The following SLC39A10 variants were observed in gnomAD, a reference collection of about 807,000 sequenced individuals.
The protein encoded by SLC39A10 is solute carrier family 39 member 10, also known as zinc transporter ZIP10.
In SLC39A10, 13 loss-of-function variants were observed where a neutral mutation model predicts 65.1. That is an observed-to-expected ratio of 0.20 (90% CI 0.13 to 0.32). The LOEUF (loss-of-function observed/expected upper bound fraction) is 0.32. Among genes scored for constraint, SLC39A10 ranks in the 10% least tolerant of loss-of-function variants. The pLI, the probability that SLC39A10 is intolerant of heterozygous loss-of-function variation, is 1.00. For synonymous variants in SLC39A10, 321 were observed against 342.2 expected (o/e 0.94, Z 0.68); for missense variants, 831 against 1,018.4 (o/e 0.82, Z 2.50).
rs148594436 is a variant in SLC39A10 at position 195,658,715 on chromosome 2, T to C, written c.-12+1434T>C. 414 of 152,332 alleles carry C rather than the reference T, an allele frequency of 2.7e-3. 3 individuals carry two copies. Among genetic ancestry groups the C allele is most frequent in the African/African-American group, 8.9e-3 (372 of 41,578 alleles). The allele number at this position is 152,332 out of a possible 1,614,324, so 9.4% of individuals were successfully genotyped here. On this transcript the variant is annotated intron_variant, in intron 1 of 9. Transcript: ENST00000359634. ...CTATTGTACAAATATTTGAGTACCTTAATATGAGTCAGTTACTTTTTCTAG... is the reference window on the plus strand; with the variant it reads ...CTATTGTACAAATATTTGAGTACCTCAATATGAGTCAGTTACTTTTTCTAG...
At chr2:195,724,334 T>C (rs895984391) in intron 8 of SLC39A10, among the ~76,000 whole-genome samples, 8 of 152,144 alleles carry the variant, frequency 5.3e-5, no homozygotes, top group African/African-American at 1.7e-4. Context: ...TTACTATAAA[T>C]CCCTGCTGTG....
chr2:195,727,189 T>C (rs1692273802), intron 8 of SLC39A10, among the ~76,000 whole-genome samples: 2 of 152,124 alleles, frequency 1.3e-5, no homozygotes, highest in South Asian at 4.1e-4. Flanking sequence ...TTTCTTCTTA[T>C]TTGGAGGGAG....
rs751801744 is a variant in SLC39A10, at chr2:195,716,759, C to T, written c.1819C>T (p.His607Tyr). The change falls in exon 7 of 10, where the codon CAT becomes TAT. Residue 607 changes from histidine to tyrosine, a missense_variant. His to Tyr is a moderately conservative substitution (Grantham distance 83). Transcript: ENST00000359634. The stretch of plus-strand genomic sequence containing the variant: ...TATAGAAGAGGAGAAAATCATAGAC[C>T]ATTCTCACAGTGATGGATTACATAC... ...LCIEEEKIID[H>Y]SHSDGLHTIH... The T allele has an allele frequency of 8.7e-6, 14 of 1,613,952 alleles. No individual in the cohort carries two copies. The highest frequency in any genetic ancestry group is 5.0e-5 in the Admixed American group (3 of 59,984).
At position 195,716,880 on chromosome 2, in the gene SLC39A10, A is replaced by G. The variant is rs755523552; in HGVS notation, c.1940A>G (p.His647Arg). ...CATAATCACCAGTGGCACCACAAGC[A>G]TTCTCATCATTCCCATGGCCCCTGT... is the stretch of plus-strand genomic sequence containing the variant. ...RKHNHQWHHK[H>R]SHHSHGPCHS... The change falls in exon 7 of 10, where the codon CAT (histidine) becomes CGT (arginine). Residue 647 changes from histidine to arginine, a missense_variant. His to Arg is a conservative substitution (Grantham distance 29). Transcript: ENST00000359634. 3.7e-6 allele frequency: 6 copies of G among 1,614,236 alleles called. No homozygotes were observed. Among genetic ancestry groups the G allele is most frequent in the Admixed American group, 3.3e-5 (2 of 60,028 alleles).
At position 195,715,525 on chromosome 2, in the gene SLC39A10, CAAA is replaced by C. The variant is rs545656309; in HGVS notation, c.1697-1091_1697-1089del. The stretch of plus-strand genomic sequence containing the variant: ...TGGGTGACAGAGTGAGACTCTGTCT[CAAA>C]AAAAAAAAAAAAAAAAAAAAGAAAT... On this transcript the variant is annotated intron_variant, in intron 6 of 9. Transcript: ENST00000359634. Among the ~76,000 whole-genome samples the C allele has an allele frequency of 1.5e-4, 9 of 61,634 alleles. No individual in the cohort carries two copies. In the South Asian group the frequency reaches 4.4e-3, roughly 30 times the overall value. 40.4% of individuals were successfully genotyped at this position (61,634 alleles called of 152,430 possible).
chr2:195,716,756 G>A lies in SLC39A10; in HGVS notation c.1816G>A (p.Asp606Asn). The change falls in exon 7 of 10, where the codon GAC becomes AAC. Residue 606 changes from aspartate (D) to asparagine (N), a missense_variant. Around this residue, in one of 4 missense-constraint regions of SLC39A10, gnomAD observed 230 missense variants for 242.9 expected, o/e 0.95. Coordinates refer to ENST00000359634, the MANE Select transcript of SLC39A10 (RefSeq NM_020342.3). ...YLCIEEEKII[D>N]HSHSDGLHTI... ...TTGTATAGAAGAGGAGAAAATCATAGACCATTCTCACAGTGATGGATTACA... is the reference window on the plus strand; with the variant it reads ...TTGTATAGAAGAGGAGAAAATCATAAACCATTCTCACAGTGATGGATTACA... 6.2e-7 allele frequency: 1 copy of A among 1,614,120 alleles called. No individual in the cohort carries two copies. The highest frequency in any genetic ancestry group is 8.5e-7 in the Non-Finnish European group (1 of 1,180,016).
Position 195,615,063 on chromosome 2 carries a change from CA to C in SLC39A10, c.-12+8837del, listed in dbSNP as rs371270698. Among the ~76,000 whole-genome samples, 24 of 151,626 alleles carry C rather than the reference CA, an allele frequency of 1.6e-4. No homozygotes were observed. The East Asian group carries it at 4.4e-3, about 28-fold the overall frequency. ...AGTGAGACCTTGTCTCAAAAAGCAA[CA>C]AAAAAAGGGAAAATAGAGGGGGTCT... On this transcript the variant is annotated intron_variant, in intron 2 of 2. Transcript: ENST00000458054.
At chr2:195,644,410 C>T (rs1386307198) in intron 2 of SLC39A10, among the ~76,000 whole-genome samples, 2 of 147,930 alleles carry the variant, frequency 1.4e-5, no homozygotes, top group East Asian at 2.0e-4. Context: ...GGCACGATCT[C>T]GGCTCACTGC....
At chr2:195,664,529 A>G (rs890576286) in intron 1 of SLC39A10, among the ~76,000 whole-genome samples, 1 of 152,186 alleles carries the variant, frequency 6.6e-6, no homozygotes, top group Non-Finnish European at 1.5e-5. Context: ...AAAAAGGAAC[A>G]GAACTGCAGG....
intron 2 of SLC39A10, among the ~76,000 whole-genome samples, chr2:195,649,391 A>G (rs1370958593): frequency 6.6e-6 from 1 of 152,226 alleles, no homozygotes; most frequent in Non-Finnish European, 1.5e-5. Context: ...TTTTTAAGAA[A>G]TAAAGGTAAG....
At chr2:195,623,936 C>G (rs1688404423) in intron 2 of SLC39A10, among the ~76,000 whole-genome samples, 1 of 150,954 alleles carries the variant, frequency 6.6e-6, no homozygotes, top group South Asian at 2.1e-4. Flanking sequence ...CACACACACA[C>G]ACACCGTCTT....
rs1198566089 is a variant in SLC39A10, at chr2:195,629,413, G to C, written c.-12+23180G>C. Among the ~76,000 whole-genome samples, 3 of 147,956 alleles carry C rather than the reference G, an allele frequency of 2.0e-5. No homozygotes were observed. The Admixed American group carries it at 2.0e-4, about 10-fold the overall frequency. ...CTTTCAAAAAAAAAAAAAAAAAAGA[G>C]TTATCCTTGACCTTCAACCCACCCC... is the stretch of plus-strand genomic sequence containing the variant. On this transcript the variant is annotated intron_variant, in intron 2 of 2. Coordinates refer to the SLC39A10 transcript ENST00000458054.
rs148143190 is a variant in SLC39A10, at chr2:195,683,745, A to C, written c.1055A>C (p.Asn352Thr). The C allele has an allele frequency of 6.2e-7, 1 of 1,613,066 alleles. No individual in the cohort carries two copies. Among genetic ancestry groups the C allele is most frequent in the Non-Finnish European group, 8.5e-7 (1 of 1,179,412 alleles). Residue 352 changes from asparagine (N) to threonine (T), a missense_variant, in exon 3 of 10, where the codon AAC (asparagine) becomes ACC (threonine). Asn to Thr is a moderately conservative substitution (Grantham distance 65, BLOSUM62 0). Around this residue, in one of 4 missense-constraint regions of SLC39A10, gnomAD observed 446 missense variants for 499.2 expected, o/e 0.89. Transcript: ENST00000359634. ...TTAAAATACTATGGTCATGGTGCCA[A>C]CTCTCCCATCTCAACTGATTTATTT... is the stretch of plus-strand genomic sequence containing the variant. Reference protein sequence around the residue: ...QLLKYYGHGANSPISTDLFTY... With the variant: ...QLLKYYGHGATSPISTDLFTY...
chr2:195,646,632 A>G (rs1356986333), intron 2 of SLC39A10, among the ~76,000 whole-genome samples: 1 of 95,942 alleles, frequency 1.0e-5, no homozygotes, highest in African/African-American at 3.8e-5. Flanking sequence ...ACCTCCCCCC[A>G]CCACCAACCC....
chr2:195,613,901 A>C (rs1423591309), intron 2 of SLC39A10, among the ~76,000 whole-genome samples: 1 of 152,208 alleles, frequency 6.6e-6, no homozygotes, highest in Non-Finnish European at 1.5e-5. Flanking sequence ...TGTCAAACTT[A>C]TTAGCAATGT....
chr2:195,712,313 C>T (rs1214729006), intron 5 of SLC39A10, among the ~76,000 whole-genome samples: 1 of 152,236 alleles, frequency 6.6e-6, no homozygotes, highest in Non-Finnish European at 1.5e-5. Context: ...TTGATCAAAA[C>T]AAGTCAAAAG....
chr2:195,704,774 GC>G (rs1402028286), intron 3 of SLC39A10, among the ~76,000 whole-genome samples: 1 of 151,330 alleles, frequency 6.6e-6, no homozygotes, highest in Non-Finnish European at 1.5e-5. Flanking sequence ...CCCCACCCCT[GC>G]CCCTGTGTTT....
intron 1 of SLC39A10, among the ~76,000 whole-genome samples, chr2:195,677,728 T>C (rs1690149321): frequency 1.3e-5 from 2 of 151,792 alleles, no homozygotes; most frequent in East Asian, 1.9e-4. Flanking sequence ...TGTTGTTGAT[T>C]AACATTTAGG....
intron 1 of SLC39A10, among the ~76,000 whole-genome samples, chr2:195,665,719 A>C (rs1156236644): frequency 6.6e-6 from 1 of 152,216 alleles, no homozygotes; most frequent in Non-Finnish European, 1.5e-5. Flanking sequence ...TAGAGAGATA[A>C]GGAACCCCTT....
Sources: gnomAD v4.1 joint callset for allele counts (sites outside exome capture counted in the v4.1 genomes callset) on GRCh38, gnomAD v4.1.1 for gene constraint, gnomAD v4.1.1 regional missense constraint, MANE v1.5 for transcripts, NCBI Gene and HGNC (gene_info 2026-07-23, HGNC 2026-07-21) for gene names.